The following KIAA0930 variants were observed in gnomAD, a reference collection of about 807,000 sequenced individuals.
KIAA0930 encodes the protein KIAA0930.
KIAA0930 carries 24 observed loss-of-function variants against 43.9 expected under a neutral mutation model. That is an observed-to-expected ratio of 0.55 (90% CI 0.40 to 0.77). KIAA0930 has a LOEUF of 0.77. Ranked by LOEUF, KIAA0930 falls within the 30% of genes least tolerant of loss-of-function variation. The pLI is 0.00. For missense variants in KIAA0930, 461 were observed against 574.2 expected, an observed-to-expected ratio of 0.80 and a Z score of 2.02; for synonymous variants, 259 against 216.4, an observed-to-expected ratio of 1.20 and a Z score of -1.73.
intron 7 of KIAA0930, among the ~76,000 whole-genome samples, chr22:45,200,756 G>T (rs1398352198): frequency 1.3e-5 from 2 of 152,248 alleles, no homozygotes; most frequent in African/African-American, 4.8e-5. Flanking sequence ...CTGCCCTCAA[G>T]GAGCTCACAG....
chr22:45,194,452 G>A lies in KIAA0930; in HGVS notation c.*2724C>T, dbSNP rs1220456781. On this transcript the variant is annotated 3_prime_UTR_variant, in exon 10 of 10. Coordinates refer to ENST00000336156, the MANE Select transcript of KIAA0930 (RefSeq NM_001009880.2). ...AACCTAAGGTCTTAAAGGGGTTTTG[G>A]GATCAAGTGTCCTGTTGAGGAAAAC... The A allele has an allele frequency of 1.3e-5, 2 of 152,104 alleles. No homozygotes were observed. The highest frequency in any genetic ancestry group is 3.9e-4 in the East Asian group (2 of 5,174). The allele number at this position is 152,104 out of a possible 1,614,324, so 9.4% of individuals were successfully genotyped here. A position where few individuals can be genotyped will look rare whatever the true frequency, so the allele number is the denominator to read the frequency against.
At chr22:45,229,494 A>T (rs930603653) in intron 1 of KIAA0930, among the ~76,000 whole-genome samples, 4 of 152,086 alleles carry the variant, frequency 2.6e-5, no homozygotes, top group Admixed American at 2.6e-4. Flanking sequence ...GAGGGACAGG[A>T]GCCACACACG....
In KIAA0930 at chr22:45,192,396, C is replaced by G. The variant is rs1051618897; in HGVS notation, c.*4780G>C. 1.3e-5 allele frequency: 2 copies of G among 152,168 alleles called. No individual in the cohort carries two copies. Among genetic ancestry groups the G allele is most frequent in the African/African-American group, 2.4e-5 (1 of 41,428 alleles). 9.4% of individuals were successfully genotyped at this position (152,168 alleles called of 1,614,324 possible). A position where few individuals can be genotyped will look rare whatever the true frequency, so the allele number is the denominator to read the frequency against. On this transcript the variant is annotated 3_prime_UTR_variant, in exon 10 of 10. Transcript: ENST00000336156. Reference sequence around the variant, plus strand: ...GGGTTAATAAAGACGCTGTTGGTAACGCGTACAGAACTATCACTGGCAATC... The same window carrying G: ...GGGTTAATAAAGACGCTGTTGGTAAGGCGTACAGAACTATCACTGGCAATC...
intron 1 of KIAA0930, among the ~76,000 whole-genome samples, chr22:45,234,075 G>C (rs982336595): frequency 2.0e-5 from 3 of 152,222 alleles, no homozygotes; most frequent in Non-Finnish European, 2.9e-5. Context: ...GGAGAGGCTG[G>C]TTGAATTCTG....
At chr22:45,205,770 G>GCGGCCC in intron 3 of KIAA0930, 23 bp downstream of exon 3, 46 of 1,523,578 alleles carry the variant, frequency 3.0e-5, no homozygotes, top group East Asian at 4.5e-5. Flanking sequence ...CCAATCCGCA[G>GCGGCCC]CCCCACCCAT....
chr22:45,225,957 C>A (rs999757994), intron 1 of KIAA0930, among the ~76,000 whole-genome samples: 2 of 152,264 alleles, frequency 1.3e-5, no homozygotes, highest in Non-Finnish European at 2.9e-5. Context: ...TGCAAAGCCA[C>A]GCTCCTGGCT....
intron 1 of KIAA0930, among the ~76,000 whole-genome samples, chr22:45,236,718 CCTTA>C (rs949135696): frequency 3.9e-5 from 6 of 152,148 alleles, no homozygotes; most frequent in African/African-American, 1.4e-4. Flanking sequence ...GCTGGGGGCA[CCTTA>C]CTTCCCCCCA....
chr22:45,200,202 A>AG, intron 7 of KIAA0930, 167 bp from the exon 8 acceptor site: 1 of 582,752 alleles, frequency 1.7e-6, no homozygotes, highest in Non-Finnish European at 2.8e-6. Flanking sequence ...TGGGGCCTAG[A>AG]GACTGGAAGA....
intron 1 of KIAA0930, among the ~76,000 whole-genome samples, chr22:45,230,580 C>CTTTTT (rs796595254): frequency 7.8e-6 from 1 of 128,670 alleles, no homozygotes; most frequent in South Asian, 2.6e-4. Context: ...AGATCACATT[C>CTTTTT]TTTTTTTTTT....
chr22:45,219,100 G>A (rs987839051), intron 1 of KIAA0930, among the ~76,000 whole-genome samples: 4 of 152,156 alleles, frequency 2.6e-5, no homozygotes, highest in Non-Finnish European at 5.9e-5. Flanking sequence ...ATGGGATGGG[G>A]GAAGACTGTC....
At chr22:45,230,388 G>GGA (rs2083845141) in intron 1 of KIAA0930, among the ~76,000 whole-genome samples, 1 of 152,054 alleles carries the variant, frequency 6.6e-6, no homozygotes, top group Admixed American at 6.5e-5. Flanking sequence ...AGCAGAAGCA[G>GGA]GAAGGTCTCT....
chr22:45,200,952 G>A (rs754109674), intron 7 of KIAA0930: 9 of 502,998 alleles, frequency 1.8e-5, no homozygotes, highest in East Asian at 5.7e-5. Context: ...GTAGGAGTTC[G>A]CCAGGTGAAG....
intron 1 of KIAA0930, among the ~76,000 whole-genome samples, chr22:45,217,285 C>T (rs573273778): frequency 7.0e-5 from 10 of 142,918 alleles, no homozygotes; most frequent in South Asian, 2.3e-4. Flanking sequence ...CGCTTGAACC[C>T]GGGAGGCGGA....
intron 2 of KIAA0930, among the ~76,000 whole-genome samples, chr22:45,209,449 C>T (rs1344049492): frequency 2.6e-5 from 4 of 152,170 alleles, no homozygotes; most frequent in Non-Finnish European, 4.4e-5. Flanking sequence ...CACCAGGCCC[C>T]GCAATCTCCA....
intron 1 of KIAA0930, among the ~76,000 whole-genome samples, chr22:45,228,097 A>G (rs771890242): frequency 7.9e-5 from 12 of 152,168 alleles, no homozygotes; most frequent in Non-Finnish European, 1.6e-4. Context: ...TAGGACCCAA[A>G]GTGTGAAGTC....
In KIAA0930 at chr22:45,211,953, C is replaced by T; in HGVS notation, c.216+3G>A. The T allele has an allele frequency of 6.2e-7, 1 of 1,610,030 alleles. No individual in the cohort carries two copies. The highest frequency in any genetic ancestry group is 8.5e-7 in the Non-Finnish European group (1 of 1,179,866). On this transcript the variant is annotated splice_donor_region_variant and intron_variant, in intron 2 of 9. Transcript: ENST00000336156. ...GCAGGGGCAGGGGCCGGGGGTCACT[C>T]ACCTTCCTCCCGTCTGCACCGCTTT... is the stretch of plus-strand genomic sequence containing the variant.
intron 1 of KIAA0930, among the ~76,000 whole-genome samples, chr22:45,231,825 T>C (rs2083855502): frequency 2.6e-5 from 4 of 152,098 alleles, no homozygotes; most frequent in Admixed American, 2.6e-4. Flanking sequence ...ACCCCGTCTC[T>C]ACTAAAAATA....
intron 1 of KIAA0930, 113 bp downstream of exon 1, chr22:45,240,527 G>C (rs548543958): frequency 6.9e-5 from 47 of 686,094 alleles, no homozygotes; most frequent in Non-Finnish European, 9.8e-5. Context: ...CAGAGACCAC[G>C]ACACCCGCGC....
At chr22:45,204,693 C>G (rs888308280) in intron 5 of KIAA0930, among the ~76,000 whole-genome samples, 1 of 151,648 alleles carries the variant, frequency 6.6e-6, no homozygotes, top group African/African-American at 2.4e-5. Context: ...GAGTGAGCTG[C>G]GACCGGCTCC....
Sources: allele counts gnomAD v4.1 joint callset (sites outside exome capture counted in the v4.1 genomes callset), GRCh38; gene constraint gnomAD v4.1.1; transcripts MANE v1.5; gene names NCBI Gene and HGNC (gene_info 2026-07-23, HGNC 2026-07-21).